The following NRG1 variants were observed in gnomAD, a reference collection of about 807,000 sequenced individuals.
NRG1 encodes the protein neuregulin 1, also known as pro-neuregulin-1, membrane-bound isoform.
In NRG1, 18 loss-of-function variants were observed where a neutral mutation model predicts 63.8. The ratio of observed to expected loss-of-function variants is 0.28; its 90% CI spans 0.19 to 0.42. NRG1 has a LOEUF of 0.42. Ranked by LOEUF, NRG1 falls within the 10% of genes least tolerant of loss-of-function variation. The pLI is 1.00. For synonymous variants in NRG1, 302 were observed against 301.3 expected (o/e 1.00, Z -0.02); for missense variants, 762 against 814.7 (o/e 0.94, Z 0.79).
At chr8:32,162,380 C>T (rs1048975178) in intron 1 of NRG1, among the ~76,000 whole-genome samples, 1 of 152,142 alleles carries the variant, frequency 6.6e-6, no homozygotes, top group Non-Finnish European at 1.5e-5. Flanking sequence ...ACCTTGGATT[C>T]AGTTGTGTTG....
chr8:32,705,132 A>ATTTT (rs751755810), intron 5 of NRG1, among the ~76,000 whole-genome samples: 19 of 140,004 alleles, frequency 1.4e-4, no homozygotes, highest in African/African-American at 4.5e-4. Flanking sequence ...GTGACAATGA[A>ATTTT]TTTTTTTTTT....
intron 1 of NRG1, among the ~76,000 whole-genome samples, chr8:32,071,697 A>G (rs1196001169): frequency 6.6e-6 from 1 of 152,208 alleles, no homozygotes; most frequent in Non-Finnish European, 1.5e-5. Flanking sequence ...ACCTGCAGTG[A>G]GAAAGAATTC....
chr8:31,984,806 G>A (rs893408138), intron 1 of NRG1, among the ~76,000 whole-genome samples: 3 of 152,078 alleles, frequency 2.0e-5, no homozygotes, highest in Non-Finnish European at 4.4e-5. Flanking sequence ...TGGTCCCAAC[G>A]CATAAAGGGA....
At chr8:32,069,159 A>G (rs1183234452) in intron 1 of NRG1, among the ~76,000 whole-genome samples, 1 of 152,166 alleles carries the variant, frequency 6.6e-6, no homozygotes, top group Non-Finnish European at 1.5e-5. Context: ...CTTATACCAG[A>G]ACTGTGTTTA....
chr8:32,487,294 C>T (rs1245027844), intron 1 of NRG1, among the ~76,000 whole-genome samples: 1 of 152,058 alleles, frequency 6.6e-6, no homozygotes, highest in Non-Finnish European at 1.5e-5. Flanking sequence ...GTGCCCATGA[C>T]CCCACCTATT....
At chr8:32,056,589 A>G (rs931063398) in intron 1 of NRG1, among the ~76,000 whole-genome samples, 1 of 152,176 alleles carries the variant, frequency 6.6e-6, no homozygotes, top group African/African-American at 2.4e-5. Context: ...ATATGTGCCA[A>G]TCAAACATGT....
chr8:32,450,940 GA>G (rs1363104071), intron 1 of NRG1, among the ~76,000 whole-genome samples: 2 of 152,016 alleles, frequency 1.3e-5, no homozygotes, highest in Non-Finnish European at 2.9e-5. Flanking sequence ...CCATTTGAAG[GA>G]AAATTTGGAA....
chr8:32,063,957 A>ACTT (rs1824315962), intron 1 of NRG1, among the ~76,000 whole-genome samples: 1 of 152,080 alleles, frequency 6.6e-6, no homozygotes, highest in Non-Finnish European at 1.5e-5. Context: ...AAGTGTGGGC[A>ACTT]GGGAGAATGT....
At chr8:31,984,492 A>G (rs1809705479) in intron 1 of NRG1, among the ~76,000 whole-genome samples, 1 of 152,114 alleles carries the variant, frequency 6.6e-6, no homozygotes. Flanking sequence ...GCTGAGGCAC[A>G]GTAGAGAAAA....
At chr8:32,651,852 A>G (rs955655576) in intron 5 of NRG1, among the ~76,000 whole-genome samples, 2 of 152,174 alleles carry the variant, frequency 1.3e-5, no homozygotes, top group African/African-American at 4.8e-5. Context: ...GTATTTCAGA[A>G]CAGTGATTTT....
At chr8:32,447,421 A>G (rs918881867) in intron 1 of NRG1, among the ~76,000 whole-genome samples, 4 of 152,158 alleles carry the variant, frequency 2.6e-5, no homozygotes, top group African/African-American at 9.7e-5. Context: ...CAAAATAACA[A>G]TGAAGCTAAT....
chr8:32,254,491 G>A (rs1429597045), intron 1 of NRG1, among the ~76,000 whole-genome samples: 1 of 152,160 alleles, frequency 6.6e-6, no homozygotes, highest in Non-Finnish European at 1.5e-5. Flanking sequence ...GTGTGGCTTT[G>A]AGTGAGTTTC....
intron 1 of NRG1, among the ~76,000 whole-genome samples, chr8:32,324,896 C>T (rs1801816736): frequency 6.6e-6 from 1 of 152,140 alleles, no homozygotes; most frequent in Non-Finnish European, 1.5e-5. Context: ...GAGAAATCTA[C>T]ATAAATCTCT....
chr8:32,125,235 A>C (rs1179366436), intron 1 of NRG1, among the ~76,000 whole-genome samples: 1 of 151,944 alleles, frequency 6.6e-6, no homozygotes, highest in Non-Finnish European at 1.5e-5. Flanking sequence ...GTAGTTACCC[A>C]GTCTATGGTA....
chr8:31,916,890 T>C (rs1833438227), intron 1 of NRG1, among the ~76,000 whole-genome samples: 1 of 151,738 alleles, frequency 6.6e-6, no homozygotes, highest in African/African-American at 2.4e-5. Flanking sequence ...TTTTAATGAT[T>C]GCCATTGTAA....
At chr8:32,505,254 C>T (rs1229325798) in intron 1 of NRG1, among the ~76,000 whole-genome samples, 1 of 152,094 alleles carries the variant, frequency 6.6e-6, no homozygotes, top group Non-Finnish European at 1.5e-5. Context: ...TTGTCTAAAT[C>T]TAATTTATGC....
At chr8:32,728,363 G>T in intron 6 of NRG1, 1 of 984,696 alleles carries the variant, frequency 1.0e-6, no homozygotes, top group South Asian at 4.7e-5. Context: ...GGTTTTTCTT[G>T]TTGTTATTCA....
At chr8:32,035,171 A>T (rs955708585) in intron 1 of NRG1, among the ~76,000 whole-genome samples, 1 of 152,072 alleles carries the variant, frequency 6.6e-6, no homozygotes, top group Non-Finnish European at 1.5e-5. Flanking sequence ...ATTTCAAAGA[A>T]CTTCTTGATT....
rs549977526 is a variant in NRG1, at chr8:32,671,591, C to T, written c.502+54706C>T. ...AAAAATGTTAAGCAGCATGTATGCA[C>T]GCACACACATGCAACCAATTTCTTC... On this transcript the variant is annotated intron_variant, in intron 5 of 11. Coordinates refer to ENST00000356819, the Ensembl canonical transcript of NRG1. Among the ~76,000 whole-genome samples the T allele has an allele frequency of 3.0e-4, 46 of 152,198 alleles. No individual in the cohort carries two copies. In the South Asian group the frequency reaches 6.0e-3, roughly 20 times the overall value.
Sources: gnomAD v4.1 joint callset for allele counts (sites outside exome capture counted in the v4.1 genomes callset) on GRCh38, gnomAD v4.1.1 for gene constraint, MANE v1.5 for transcripts, NCBI Gene and HGNC (gene_info 2026-07-23, HGNC 2026-07-21) for gene names.